FHOD3: variants seen among roughly 807,000 people sequenced by gnomAD.
FHOD3 encodes formin homology 2 domain containing 3, also known as FH1/FH2 domain-containing protein 3.
A neutral mutation model predicts 173.0 loss-of-function variants in FHOD3; 90 were observed. The observed-to-expected ratio is 0.52, with a 90% CI of 0.44 to 0.62. The LOEUF is 0.62. Among genes scored for constraint, FHOD3 ranks in the 20% least tolerant of loss-of-function variants. The pLI, the probability that FHOD3 is intolerant of heterozygous loss-of-function variation, is 0.00. For missense variants in FHOD3, 1,945 were observed against 2,034.7 expected (o/e 0.96, Z 0.85); for synonymous variants, 828 against 823.0 (o/e 1.01, Z -0.10).
At chr18:36,459,251 A>G (rs2052408982) in intron 3 of FHOD3, among the ~76,000 whole-genome samples, 3 of 152,238 alleles carry the variant, frequency 2.0e-5, no homozygotes, top group Non-Finnish European at 4.4e-5. Context: ...AGTTGGGCAG[A>G]TAAGTGATAC....
intron 1 of FHOD3, among the ~76,000 whole-genome samples, chr18:36,345,855 A>G (rs1023393869): frequency 2.0e-5 from 3 of 152,232 alleles, no homozygotes; most frequent in Admixed American, 2.0e-4. Context: ...CTTCTCCTAA[A>G]TCATTAGAGA....
At chr18:36,512,651 G>T in intron 5 of FHOD3, 108 bp downstream of exon 5, 1 of 780,316 alleles carries the variant, frequency 1.3e-6, no homozygotes, top group Middle Eastern at 3.2e-4. Context: ...CGATTTGAGA[G>T]TAAGGTGGTA....
chr18:36,690,388 C>T (rs1036200808), intron 16 of FHOD3, among the ~76,000 whole-genome samples: 3 of 152,104 alleles, frequency 2.0e-5, no homozygotes, highest in South Asian at 2.1e-4. Flanking sequence ...GAGGCTCTGT[C>T]GGTCTGTGGA....
chr18:36,594,313 G>A (rs1327351528), intron 6 of FHOD3, among the ~76,000 whole-genome samples: 1 of 152,030 alleles, frequency 6.6e-6, no homozygotes, highest in African/African-American at 2.4e-5. Flanking sequence ...GGGGTACTTG[G>A]TTCCGGTTCC....
At chr18:36,541,249 C>CAAAAAAAAAA (rs770104487) in intron 5 of FHOD3, among the ~76,000 whole-genome samples, 6 of 40,296 alleles carry the variant, frequency 1.5e-4, no homozygotes, top group Non-Finnish European at 2.6e-4. Flanking sequence ...GACTCTGTCT[C>CAAAAAAAAAA]AAAAAAAAAA....
intron 3 of FHOD3, among the ~76,000 whole-genome samples, chr18:36,421,234 T>C (rs1568249121): frequency 6.6e-6 from 1 of 152,234 alleles, no homozygotes; most frequent in Non-Finnish European, 1.5e-5. Context: ...CTTGCCACAA[T>C]GATAGTCACG....
At position 36,759,096 on chromosome 18, in the gene FHOD3, C is replaced by T. The variant is rs1174303829; in HGVS notation, c.4426-22C>T. ...ATCCCTTCTGTCTTTTCCGTCCTGT[C>T]CTGTCCTGTCCTCTCGGGTAGACTG... On this transcript the variant is annotated intron_variant, in intron 25 of 28. Transcript: ENST00000590592. 7 of 1,535,680 alleles carry T rather than the reference C, an allele frequency of 4.6e-6. 1 individual carries two copies. Among genetic ancestry groups the T allele is most frequent in the East Asian group, 4.9e-5 (2 of 40,928 alleles).
chr18:36,764,818 T>G (rs1402658438), intron 27 of FHOD3, among the ~76,000 whole-genome samples: 1 of 152,144 alleles, frequency 6.6e-6, no homozygotes, highest in Non-Finnish European at 1.5e-5. Context: ...GCCACCCACC[T>G]GCTACAACAA....
At chr18:36,452,140 G>A (rs1368804828) in intron 3 of FHOD3, among the ~76,000 whole-genome samples, 4 of 152,134 alleles carry the variant, frequency 2.6e-5, no homozygotes, top group African/African-American at 9.7e-5. Flanking sequence ...CGAGAATTAT[G>A]AGGGTGCGTC....
intron 14 of FHOD3, among the ~76,000 whole-genome samples, chr18:36,678,984 T>C (rs2038057842): frequency 6.6e-6 from 1 of 152,130 alleles, no homozygotes; most frequent in South Asian, 2.1e-4. Context: ...AAACTTTCCA[T>C]ATGTCTAACT....
At chr18:36,482,217 T>C (rs1176142007) in intron 3 of FHOD3, among the ~76,000 whole-genome samples, 3 of 152,182 alleles carry the variant, frequency 2.0e-5, no homozygotes, top group African/African-American at 7.2e-5. Context: ...CAAATCCCTG[T>C]TTTTATGGAG....
intron 3 of FHOD3, among the ~76,000 whole-genome samples, chr18:36,456,453 A>G (rs1207893099): frequency 6.6e-6 from 1 of 152,120 alleles, no homozygotes; most frequent in Non-Finnish European, 1.5e-5. Flanking sequence ...TGATTGTAAT[A>G]GATTAGAAGA....
intron 5 of FHOD3, among the ~76,000 whole-genome samples, chr18:36,518,094 T>C (rs1292778583): frequency 6.6e-6 from 1 of 152,224 alleles, no homozygotes; most frequent in Non-Finnish European, 1.5e-5. Context: ...GAAGTTTATA[T>C]TTTGGCACTT....
intron 6 of FHOD3, among the ~76,000 whole-genome samples, chr18:36,592,879 T>C (rs985604398): frequency 7.2e-5 from 11 of 152,054 alleles, no homozygotes; most frequent in African/African-American, 2.7e-4. Flanking sequence ...TGTCAGGAGA[T>C]TATATGATGC....
At chr18:36,616,016 T>C (rs1443280006) in intron 9 of FHOD3, among the ~76,000 whole-genome samples, 1 of 152,114 alleles carries the variant, frequency 6.6e-6, no homozygotes, top group Non-Finnish European at 1.5e-5. Context: ...CCTGCCTCAC[T>C]CCCTCAGTTT....
At chr18:36,488,731 GA>G (rs113270904) in intron 3 of FHOD3, among the ~76,000 whole-genome samples, 3,671 of 152,260 alleles carry the variant, frequency 0.024, 141 homozygotes, top group African/African-American at 0.082. Context: ...TTACTGATCA[GA>G]AAACTTAGGT....
rs186957595 is a variant in FHOD3 at position 36,388,838 on chromosome 18, T to C, written c.337+16094T>C. ...CTGTTAAGTTCATATTTTTGTATCA[T>C]TTTGCCTATAAATGTGGTATTTGCC... On this transcript the variant is annotated intron_variant, in intron 3 of 28. Transcript: ENST00000590592. Among the ~76,000 whole-genome samples the C allele has an allele frequency of 2.7e-3, 408 of 152,312 alleles. 4 individuals carry two copies. The highest frequency in any genetic ancestry group is 9.5e-3 in the African/African-American group (395 of 41,528).
intron 2 of FHOD3, among the ~76,000 whole-genome samples, chr18:36,362,174 C>G (rs1014504117): frequency 9.2e-5 from 14 of 152,098 alleles, no homozygotes; most frequent in Non-Finnish European, 1.6e-4. Context: ...GTGGGAAGAA[C>G]TTGGAGTGGG....
intron 27 of FHOD3, among the ~76,000 whole-genome samples, chr18:36,762,346 GA>G (rs2150293097): frequency 6.6e-6 from 1 of 152,318 alleles, no homozygotes; most frequent in Admixed American, 6.5e-5. Context: ...CTGTGCTCCA[GA>G]ACCCTAGGGC....
Sources: allele counts gnomAD v4.1 joint callset (sites outside exome capture counted in the v4.1 genomes callset), GRCh38; gene constraint gnomAD v4.1.1; transcripts MANE v1.5; gene names NCBI Gene and HGNC (gene_info 2026-07-23, HGNC 2026-07-21).